The following TRMT11 variants were observed in gnomAD, a reference collection of about 807,000 sequenced individuals.
TRMT11 encodes the protein tRNA (guanine(10)-N(2))-methyltransferase TRMT11.
Under a neutral mutation model 62.8 loss-of-function variants are expected in TRMT11, and 53 were observed. The observed-to-expected ratio is 0.84, with a 90% CI of 0.68 to 1.06. The LOEUF (loss-of-function observed/expected upper bound fraction) is 1.06, where lower values mean the gene tolerates loss of function less well. TRMT11 is among the 50% of genes least tolerant of loss of function. The probability of loss-of-function intolerance (pLI) is 0.00; values close to 1 mark genes in which losing one functional copy is unlikely to be tolerated. For synonymous variants in TRMT11, 188 were observed against 190.3 expected (o/e 0.99, Z 0.10); for missense variants, 556 against 553.4 (o/e 1.00, Z -0.05).
chr6:126,229,975 T>C, the TRMT11 span, among the ~76,000 whole-genome samples: 10 of 152,266 alleles, frequency 6.6e-5, no homozygotes, highest in East Asian at 1.7e-3. Context: ...TTGACAGATA[T>C]AAGCTGGTAG....
At chr6:126,146,478 T>G (rs972863029) in intron 21 of TRMT11, among the ~76,000 whole-genome samples, 1 of 152,116 alleles carries the variant, frequency 6.6e-6, no homozygotes, top group Non-Finnish European at 1.5e-5. Flanking sequence ...GAGGTTTTAA[T>G]AGCATCTACC....
chr6:126,193,736 G>T (rs930817165), intron 1 of TRMT11, among the ~76,000 whole-genome samples: 2 of 151,466 alleles, frequency 1.3e-5, no homozygotes, highest in Non-Finnish European at 2.9e-5. Flanking sequence ...CTCGTGATCC[G>T]CCCGCCTCAG....
At chr6:126,139,525 C>T (rs936063706) in intron 21 of TRMT11, among the ~76,000 whole-genome samples, 1 of 151,934 alleles carries the variant, frequency 6.6e-6, no homozygotes. Context: ...CCTGCTACCA[C>T]ACCTGGCTAA....
intron 21 of TRMT11, among the ~76,000 whole-genome samples, chr6:126,132,098 A>G (rs542553405): frequency 4.6e-5 from 7 of 152,066 alleles, no homozygotes; most frequent in Non-Finnish European, 7.4e-5. Context: ...AACACAGGTA[A>G]TTTCACAGAT....
At chr6:125,988,622 G>T (rs533519804) in intron 1 of TRMT11, among the ~76,000 whole-genome samples, 1 of 152,306 alleles carries the variant, frequency 6.6e-6, no homozygotes, top group Non-Finnish European at 1.5e-5. Context: ...TGGGCCAGCA[G>T]TTGAATGGGG....
chr6:126,004,692 C>A (rs984518964), intron 7 of TRMT11, among the ~76,000 whole-genome samples: 1 of 151,870 alleles, frequency 6.6e-6, no homozygotes, highest in South Asian at 2.1e-4. Context: ...AAAAAAAATT[C>A]ATGTGTCTAA....
At chr6:126,031,040 G>T (rs1310973085) in intron 12 of TRMT11, among the ~76,000 whole-genome samples, 2 of 152,140 alleles carry the variant, frequency 1.3e-5, no homozygotes, top group Non-Finnish European at 2.9e-5. Context: ...GAGCCAGTTT[G>T]TAGTAGAGGA....
intron 12 of TRMT11, among the ~76,000 whole-genome samples, chr6:126,036,071 A>G (rs1775131967): frequency 6.6e-6 from 1 of 152,108 alleles, no homozygotes; most frequent in Non-Finnish European, 1.5e-5. Context: ...CTGCAGTTCT[A>G]GAATATTCCA....
At chr6:126,042,665 T>G (rs1775913211), downstream of TRMT11, among the ~76,000 whole-genome samples, 1 of 152,202 alleles carries the variant, frequency 6.6e-6, no homozygotes, top group Non-Finnish European at 1.5e-5. Context: ...TCTCCTTTAA[T>G]CAAGCTTCCC....
the TRMT11 span, among the ~76,000 whole-genome samples, chr6:126,211,855 T>A: frequency 2.0e-5 from 3 of 152,126 alleles, no homozygotes; most frequent in African/African-American, 7.2e-5. Flanking sequence ...TGTTGTGCTG[T>A]CAAATACTAG....
the TRMT11 span, among the ~76,000 whole-genome samples, chr6:126,252,047 T>C: frequency 6.6e-6 from 1 of 152,226 alleles, no homozygotes; most frequent in Non-Finnish European, 1.5e-5. Flanking sequence ...GATTGTTGGG[T>C]AGCAAACTAC....
At chr6:126,033,319 A>G (rs1473067487) in intron 12 of TRMT11, among the ~76,000 whole-genome samples, 1 of 152,202 alleles carries the variant, frequency 6.6e-6, no homozygotes, top group Admixed American at 6.6e-5. Context: ...ATGTGACTAC[A>G]GAACATACAG....
the TRMT11 span, among the ~76,000 whole-genome samples, chr6:126,251,227 C>T: frequency 6.6e-6 from 1 of 151,834 alleles, no homozygotes; most frequent in African/African-American, 2.4e-5. Context: ...GATGGGGTTT[C>T]ACCATGTTGG....
At chr6:126,192,807 A>G (rs540528496) in intron 1 of TRMT11, among the ~76,000 whole-genome samples, 1 of 152,250 alleles carries the variant, frequency 6.6e-6, no homozygotes, top group East Asian at 1.9e-4. Context: ...TGATCATGGT[A>G]AATTATCTCA....
intron 21 of TRMT11, among the ~76,000 whole-genome samples, chr6:126,123,345 T>G (rs766715186): frequency 6.6e-6 from 1 of 152,142 alleles, no homozygotes; most frequent in Non-Finnish European, 1.5e-5. Flanking sequence ...TGCCTTATAG[T>G]GGTTTGGATT....
At chr6:126,158,770 C>G (rs1321769364) in intron 21 of TRMT11, among the ~76,000 whole-genome samples, 1 of 152,214 alleles carries the variant, frequency 6.6e-6, no homozygotes, top group African/African-American at 2.4e-5. Flanking sequence ...GTGGCTCTAT[C>G]TCCCACCTGC....
chr6:126,106,974 A>G (rs1777471873), intron 17 of TRMT11, among the ~76,000 whole-genome samples: 1 of 150,880 alleles, frequency 6.6e-6, no homozygotes, highest in Non-Finnish European at 1.5e-5. Context: ...CTGTGGGGAC[A>G]CTATGATTAT....
At chr6:126,220,724 T>G in the TRMT11 span, among the ~76,000 whole-genome samples, 3 of 152,074 alleles carry the variant, frequency 2.0e-5, no homozygotes, top group Non-Finnish European at 4.4e-5. Context: ...CAAATTTATG[T>G]TCTAAATTTT....
chr6:126,006,830 A>T (rs2128800198), intron 7 of TRMT11: 1 of 152,126 alleles, frequency 6.6e-6, no homozygotes, highest in Middle Eastern at 3.4e-3. Flanking sequence ...CAGATTATTC[A>T]TCTCCTTTCA....
Sources: gnomAD v4.1 joint callset for allele counts (sites outside exome capture counted in the v4.1 genomes callset) on GRCh38, gnomAD v4.1.1 for gene constraint, MANE v1.5 for transcripts, NCBI Gene and HGNC (gene_info 2026-07-23, HGNC 2026-07-21) for gene names.